MASP1: variants seen among roughly 807,000 people sequenced by gnomAD.
MASP1 encodes mannan-binding lectin serine protease 1.
Under a neutral mutation model 77.1 loss-of-function variants are expected in MASP1, and 59 were observed. The observed-to-expected ratio is 0.77, with a 90% CI of 0.62 to 0.95. The LOEUF is 0.95. Ranked by LOEUF, MASP1 falls within the 40% of genes least tolerant of loss-of-function variation. The probability of loss-of-function intolerance (pLI) is 0.00; values close to 1 mark genes in which losing one functional copy is unlikely to be tolerated. For missense variants in MASP1, 885 were observed against 912.9 expected, an observed-to-expected ratio of 0.97 and a Z score of 0.39; for synonymous variants, 362 against 354.5, an observed-to-expected ratio of 1.02 and a Z score of -0.24.
At chr3:187,262,803 G>A (rs1403664694) in intron 2 of MASP1, 83 bp from the exon 3 acceptor site, 8 of 1,324,320 alleles carry the variant, frequency 6.0e-6, no homozygotes, top group Non-Finnish European at 8.6e-6. Flanking sequence ...AAAAAGGAAG[G>A]GGCCACCCAA....
In MASP1 at chr3:187,262,667, G is replaced by C. The variant is rs1432205137; in HGVS notation, c.291C>G (p.Asp97Glu). 6.2e-7 allele frequency: 1 copy of C among 1,614,130 alleles called. No individual in the cohort carries two copies. The highest frequency in any genetic ancestry group is 8.5e-7 in the Non-Finnish European group (1 of 1,180,008). Residue 97 changes from aspartate (D) to glutamate (E), a missense_variant, in exon 3 of 11, where the codon GAC (aspartate) becomes GAG (glutamate). Transcript: ENST00000296280. Reference sequence around the variant, plus strand: ...CCTCCTGGCCGGGAGTCTGCTCTGTGTCTGTGGTCTCCCTGCCACAGAAGG... The same window carrying C: ...CCTCCTGGCCGGGAGTCTGCTCTGTCTCTGTGGTCTCCCTGCCACAGAAGG... ...LATFCGRETT[D>E]TEQTPGQEVV...
intron 4 of MASP1, among the ~76,000 whole-genome samples, chr3:187,260,447 G>C (rs139692453): frequency 7.7e-4 from 117 of 152,314 alleles, no homozygotes; most frequent in African/African-American, 2.7e-3. Context: ...CCCCTAACTT[G>C]ACCAGACCAA....
At chr3:187,251,207 G>A (rs529639240) in intron 7 of MASP1, among the ~76,000 whole-genome samples, 8 of 152,062 alleles carry the variant, frequency 5.3e-5, no homozygotes, top group South Asian at 2.1e-4. Flanking sequence ...TGATCCACCC[G>A]CCTGGGCCTC....
intron 11 of MASP1, among the ~76,000 whole-genome samples, chr3:187,227,100 G>A (rs2108504396): frequency 6.6e-6 from 1 of 152,364 alleles, no homozygotes; most frequent in East Asian, 1.9e-4. Context: ...GAGTAAATCA[G>A]TGTCTGGACC....
intron 5 of MASP1, among the ~76,000 whole-genome samples, chr3:187,256,166 C>T (rs1715058355): frequency 6.6e-6 from 1 of 152,124 alleles, no homozygotes; most frequent in African/African-American, 2.4e-5. Flanking sequence ...ATAGCCTCTT[C>T]CCGCAAGTGG....
At chr3:187,273,987 A>C (rs911979512) in intron 2 of MASP1, among the ~76,000 whole-genome samples, 2 of 152,138 alleles carry the variant, frequency 1.3e-5, no homozygotes, top group African/African-American at 2.4e-5. Flanking sequence ...AGGTGGGTAA[A>C]TCATGAAGTC....
chr3:187,290,140 G>C (rs75894221), intron 1 of MASP1, among the ~76,000 whole-genome samples: 1 of 152,176 alleles, frequency 6.6e-6, no homozygotes, highest in East Asian at 1.9e-4. Context: ...ACTTGTAAGG[G>C]GAGGTGGACA....
At chr3:187,252,811 C>T (rs562569953) in intron 6 of MASP1, among the ~76,000 whole-genome samples, 1 of 152,160 alleles carries the variant, frequency 6.6e-6, no homozygotes, top group Non-Finnish European at 1.5e-5. Flanking sequence ...AATTCTAGCC[C>T]TAGACTTGGA....
chr3:187,243,407 T>C (rs571546461), intron 9 of MASP1, 77 bp downstream of exon 9: 3 of 1,474,534 alleles, frequency 2.0e-6, no homozygotes, highest in Middle Eastern at 2.0e-4. Flanking sequence ...CTTTCACAGC[T>C]GTCTCGGCCC....
At chr3:187,250,808 A>G (rs1455335828) in intron 7 of MASP1, among the ~76,000 whole-genome samples, 1 of 152,200 alleles carries the variant, frequency 6.6e-6, no homozygotes, top group South Asian at 2.1e-4. Flanking sequence ...ATGGTCCTCT[A>G]GCTTGGCTGC....
chr3:187,251,815 G>T, intron 6 of MASP1, 63 bp from the exon 7 acceptor site: 1 of 1,280,670 alleles, frequency 7.8e-7, no homozygotes, highest in Non-Finnish European at 1.1e-6. Context: ...TAAAGGGCCA[G>T]TCCCTAGAAA....
At position 187,243,528 on chromosome 3, in the gene MASP1, T is replaced by G; in HGVS notation, c.1184A>C (p.Tyr395Ser). 6.2e-7 allele frequency: 1 copy of G among 1,613,848 alleles called. No individual in the cohort carries two copies. The highest frequency in any genetic ancestry group is 8.5e-7 in the Non-Finnish European group (1 of 1,179,914). Residue 395 changes from tyrosine (Y) to serine (S), a missense_variant, in exon 9 of 11, where the codon TAC becomes TCC. Tyr to Ser is a moderately radical substitution (Grantham distance 144). Coordinates refer to ENST00000296280, the MANE Select transcript of MASP1 (RefSeq NM_139125.4). Reference sequence around the variant, plus strand: ...CTTGTAATAGGGCTCCTGACAGGAGTATTTGATCTCAGACTTGTATGTGGT... The same window carrying G: ...CTTGTAATAGGGCTCCTGACAGGAGGATTTGATCTCAGACTTGTATGTGGT... The part of the protein sequence containing the change: ...NLTTYKSEIK[Y>S]SCQEPYYKML...
intron 2 of MASP1, among the ~76,000 whole-genome samples, chr3:187,282,353 C>T (rs1212825224): frequency 3.9e-5 from 6 of 151,972 alleles, no homozygotes; most frequent in Admixed American, 3.9e-4. Flanking sequence ...AAAAATTAGT[C>T]AGGCATGGTG....
intron 9 of MASP1, chr3:187,241,942 A>C: frequency 1.1e-5 from 3 of 264,274 alleles, no homozygotes; most frequent in Non-Finnish European, 1.5e-5. Flanking sequence ...TAAACACCAC[A>C]CTCTTCAGCA....
chr3:187,259,257 G>C (rs959934894), intron 4 of MASP1, among the ~76,000 whole-genome samples: 49 of 152,102 alleles, frequency 3.2e-4, no homozygotes, highest in African/African-American at 1.1e-3. Context: ...CTGAAAAAGG[G>C]GTCTTGACTA....
intron 2 of MASP1, among the ~76,000 whole-genome samples, chr3:187,282,527 C>T (rs1238317785): frequency 7.5e-6 from 1 of 132,800 alleles, no homozygotes; most frequent in African/African-American, 2.7e-5. Flanking sequence ...AAGAAGAAAA[C>T]GTGTACTGGG....
chr3:187,235,932 T>C lies in MASP1; in HGVS notation c.1939A>G (p.Met647Val), dbSNP rs761083859. The C allele has an allele frequency of 2.5e-6, 4 of 1,614,074 alleles. No individual in the cohort carries two copies. The highest frequency in any genetic ancestry group is 1.7e-5 in the Admixed American group (1 of 60,014). ...RSGNYSVTEN[M>V]FCAGYYEGGK... is the part of the protein sequence containing the mutation. Reference sequence around the variant, plus strand: ...CCCTCGTAGTAGCCAGCACAGAACATGTTCTCCGTGACGCTGTAATTGCCC... The same window carrying C: ...CCCTCGTAGTAGCCAGCACAGAACACGTTCTCCGTGACGCTGTAATTGCCC... Residue 647 changes from methionine to valine, a missense_variant, in exon 11 of 11, where the codon ATG (methionine) becomes GTG (valine). Physicochemically the swap from Met to Val is conservative, Grantham distance 21 (BLOSUM62 1). Coordinates refer to ENST00000296280, the MANE Select transcript of MASP1 (RefSeq NM_139125.4).
At chr3:187,288,978 C>T (rs12635264) in intron 1 of MASP1, among the ~76,000 whole-genome samples, 43,979 of 152,016 alleles carry the variant, frequency 0.29, 6,962 homozygotes, top group East Asian at 0.41. Context: ...TGCCTGCTTG[C>T]GTTAGGGGCT....
rs578108680 is a variant in MASP1 at position 187,225,510 on chromosome 3, C to A, written c.1556-1G>T. ...TCTGACCGGAGCCTCCAATGCTTGCCTGGGCAAGAAGAAGACATGTGAGGC... is the reference window on the plus strand; with the variant it reads ...TCTGACCGGAGCCTCCAATGCTTGCATGGGCAAGAAGAAGACATGTGAGGC... On this transcript the variant is annotated splice_acceptor_variant, in intron 12 of 15. Transcript: ENST00000337774. LOFTEE classifies it high-confidence loss of function. The A allele has an allele frequency of 4.3e-6, 7 of 1,614,146 alleles. No individual in the cohort carries two copies. In the African/African-American group the frequency reaches 9.3e-5, roughly 22 times the overall value.
Sources: allele counts gnomAD v4.1 joint callset (sites outside exome capture counted in the v4.1 genomes callset), GRCh38; gene constraint gnomAD v4.1.1; transcripts MANE v1.5; gene names NCBI Gene and HGNC (gene_info 2026-07-23, HGNC 2026-07-21).